Variants in SPATS2L observed in about 807,000 individuals in gnomAD.
SPATS2L encodes the protein SPATS2-like protein.
A neutral mutation model predicts 59.6 loss-of-function variants in SPATS2L; 30 were observed. The observed-to-expected ratio is 0.50, with a 90% CI of 0.38 to 0.68. The LOEUF (loss-of-function observed/expected upper bound fraction) is 0.68. Among genes scored for constraint, SPATS2L ranks in the 30% least tolerant of loss-of-function variants. SPATS2L has a pLI of 0.00. For missense variants in SPATS2L, 615 were observed against 700.0 expected (o/e 0.88, Z 1.37); for synonymous variants, 252 against 263.5 (o/e 0.96, Z 0.42).
At chr2:200,355,371 G>T (rs1292555776) in intron 2 of SPATS2L, among the ~76,000 whole-genome samples, 1 of 152,154 alleles carries the variant, frequency 6.6e-6, no homozygotes. Flanking sequence ...CATTTACTTT[G>T]ATTCATTTGG....
intron 1 of SPATS2L, 34 bp from the exon 2 acceptor site, chr2:200,329,397 C>T: frequency 6.5e-7 from 1 of 1,541,724 alleles, no homozygotes. Flanking sequence ...TAATTTGAGA[C>T]CTGCCTGACT....
intron 2 of SPATS2L, among the ~76,000 whole-genome samples, chr2:200,364,099 G>T (rs1040894874): frequency 6.6e-6 from 1 of 152,150 alleles, no homozygotes. Flanking sequence ...TGAAGATGGG[G>T]GAAGGAGACA....
chr2:200,306,775 C>G lies in SPATS2L; in HGVS notation c.-220C>G. 5 of 981,984 alleles carry G rather than the reference C, an allele frequency of 5.1e-6. No homozygotes were observed. Among genetic ancestry groups the G allele is most frequent in the South Asian group, 4.7e-5 (1 of 21,270 alleles). 60.8% of individuals were successfully genotyped at this position (981,984 alleles called of 1,614,324 possible). On this transcript the variant is annotated 5_prime_UTR_variant, in exon 1 of 13. Transcript: ENST00000409140. ...AAGCGCCGGCAGCGCGGGGCGAGCT[C>G]CGGACGGCGCGCGGCCCAGGCAGCG... is the stretch of plus-strand genomic sequence containing the variant.
intron 12 of SPATS2L, among the ~76,000 whole-genome samples, chr2:200,475,379 G>C (rs2087434276): frequency 6.6e-6 from 1 of 152,194 alleles, no homozygotes; most frequent in Non-Finnish European, 1.5e-5. Context: ...AGGGAGACAT[G>C]AGACATCAAT....
chr2:200,308,905 T>G (rs2079109326), intron 1 of SPATS2L: 1 of 613,494 alleles, frequency 1.6e-6, no homozygotes, highest in Non-Finnish European at 3.0e-6. Context: ...CTAATGAAAG[T>G]CTTCAGTAAA....
intron 3 of SPATS2L, among the ~76,000 whole-genome samples, chr2:200,400,512 A>G (rs2082491992): frequency 6.6e-6 from 1 of 152,254 alleles, no homozygotes; most frequent in African/African-American, 2.4e-5. Context: ...ATATGTATAT[A>G]TTTAAACTTC....
At chr2:200,466,834 A>G (rs962086749) in intron 9 of SPATS2L, among the ~76,000 whole-genome samples, 2 of 152,228 alleles carry the variant, frequency 1.3e-5, no homozygotes, top group African/African-American at 4.8e-5. Flanking sequence ...CTAAGTGAGT[A>G]TGTGTTAAAG....
At chr2:200,352,197 C>CT (rs1354149266) in intron 2 of SPATS2L, among the ~76,000 whole-genome samples, 2 of 151,662 alleles carry the variant, frequency 1.3e-5, no homozygotes, top group East Asian at 1.9e-4. Flanking sequence ...GTGAACAAAA[C>CT]TGACAATTTA....
chr2:200,451,617 G>A (rs1296157722), intron 8 of SPATS2L, among the ~76,000 whole-genome samples: 1 of 152,086 alleles, frequency 6.6e-6, no homozygotes, highest in Non-Finnish European at 1.5e-5. Flanking sequence ...AACAAGAAGA[G>A]CCCCTCCCCT....
intron 3 of SPATS2L, among the ~76,000 whole-genome samples, chr2:200,392,188 A>T (rs1559092227): frequency 6.6e-6 from 1 of 152,108 alleles, no homozygotes; most frequent in Non-Finnish European, 1.5e-5. Context: ...TTGCCCAGGG[A>T]ACCAACCAGG....
intron 3 of SPATS2L, chr2:200,390,323 A>G (rs2082132484): frequency 1.3e-5 from 2 of 152,352 alleles, no homozygotes; most frequent in Admixed American, 1.3e-4. Context: ...TCCTGCTCCC[A>G]TGGAGCTCAC....
intron 2 of SPATS2L, among the ~76,000 whole-genome samples, chr2:200,346,424 CTA>C (rs748602590): frequency 3.9e-5 from 6 of 152,108 alleles, no homozygotes; most frequent in Non-Finnish European, 5.9e-5. Flanking sequence ...AGTTGTGTGA[CTA>C]TGATCTATAA....
intron 2 of SPATS2L, among the ~76,000 whole-genome samples, chr2:200,352,394 C>G (rs941585651): frequency 4.8e-5 from 7 of 145,076 alleles, no homozygotes; most frequent in Non-Finnish European, 7.4e-5. Flanking sequence ...TCGATTTTCT[C>G]TCTCTCTTTT....
intron 1 of SPATS2L, among the ~76,000 whole-genome samples, chr2:200,309,362 A>C (rs2079125209): frequency 6.6e-6 from 1 of 152,212 alleles, no homozygotes; most frequent in Non-Finnish European, 1.5e-5. Context: ...CGTAAGATCT[A>C]AGCTGCTACT....
chr2:200,418,850 C>T (rs570503513), intron 5 of SPATS2L, among the ~76,000 whole-genome samples: 1 of 152,244 alleles, frequency 6.6e-6, no homozygotes, highest in African/African-American at 2.4e-5. Context: ...GCCTCCTTGC[C>T]TCCCCAGCAT....
chr2:200,404,526 C>A (rs181161317), intron 3 of SPATS2L, among the ~76,000 whole-genome samples: 22 of 152,246 alleles, frequency 1.4e-4, no homozygotes, highest in African/African-American at 5.3e-4. Context: ...GGGTTGCCAT[C>A]TGGAAGGTAT....
intron 2 of SPATS2L, among the ~76,000 whole-genome samples, chr2:200,360,160 C>T (rs1341469932): frequency 6.6e-6 from 1 of 152,100 alleles, no homozygotes; most frequent in East Asian, 1.9e-4. Flanking sequence ...TACATAGAGC[C>T]TCAAGTTCAG....
intron 8 of SPATS2L, among the ~76,000 whole-genome samples, chr2:200,453,251 C>T (rs3769442): frequency 0.037 from 5,574 of 152,216 alleles, 142 homozygotes; most frequent in Admixed American, 0.069. Flanking sequence ...AAGGAAGAGC[C>T]GGGAATTGGC....
chr2:200,364,411 C>T (rs909216021), intron 2 of SPATS2L, among the ~76,000 whole-genome samples: 3 of 152,010 alleles, frequency 2.0e-5, no homozygotes, highest in South Asian at 2.1e-4. Context: ...GATGTATCTC[C>T]GCCTTGCCAG....
Sources: allele counts gnomAD v4.1 joint callset (sites outside exome capture counted in the v4.1 genomes callset), GRCh38; gene constraint gnomAD v4.1.1; transcripts MANE v1.5; gene names NCBI Gene and HGNC (gene_info 2026-07-23, HGNC 2026-07-21).